PARVB: variants seen among roughly 807,000 people sequenced by gnomAD.
PARVB encodes the protein parvin beta.
PARVB carries 46 observed loss-of-function variants against 47.0 expected under a neutral mutation model. That is an observed-to-expected ratio of 0.98 (90% CI 0.77 to 1.25). The LOEUF (loss-of-function observed/expected upper bound fraction) is 1.25, where lower values mean the gene tolerates loss of function less well. PARVB is among the 50% of genes most tolerant of loss of function. The pLI is 0.00. For synonymous variants in PARVB, 196 were observed against 196.3 expected (o/e 1.00, Z 0.01); for missense variants, 473 against 471.6 (o/e 1.00, Z -0.03).
chr22:44,055,800 C>T (rs201077661), intron 1 of PARVB, among the ~76,000 whole-genome samples: 196 of 152,280 alleles, frequency 1.3e-3, no homozygotes, highest in African/African-American at 4.5e-3. Flanking sequence ...AGCCCAAGTG[C>T]GGGAGGAGAC....
chr22:44,129,283 C>T (rs563734407), intron 4 of PARVB, among the ~76,000 whole-genome samples: 7 of 152,248 alleles, frequency 4.6e-5, no homozygotes, highest in East Asian at 3.9e-4. Flanking sequence ...TCTACCCTGC[C>T]GGTGCCTTGA....
At chr22:44,035,309 TACA>T (rs1179540521) in intron 1 of PARVB, among the ~76,000 whole-genome samples, 1 of 151,538 alleles carries the variant, frequency 6.6e-6, no homozygotes, top group East Asian at 1.9e-4. Flanking sequence ...CACCCTACCA[TACA>T]ACATCTCAAG....
In PARVB at chr22:44,169,005, A is replaced by G. The variant is rs189504571; in HGVS notation, c.*327A>G. 6.4e-5 allele frequency: 15 copies of G among 234,584 alleles called. No homozygotes were observed. The highest frequency in any genetic ancestry group is 2.6e-4 in the Admixed American group (5 of 19,602). The allele number at this position is 234,584 out of a possible 1,614,324, so 14.5% of individuals were successfully genotyped here. The stretch of plus-strand genomic sequence containing the variant: ...TTGTCTGCCTTGGCCGAAAGATGAA[A>G]AAAAGCCTGAACCCCAACCCCCAGC... On this transcript the variant is annotated 3_prime_UTR_variant, in exon 13 of 13. Coordinates refer to ENST00000338758, the MANE Select transcript of PARVB (RefSeq NM_013327.5).
At chr22:44,036,589 C>CTCAT (rs2050926534) in intron 1 of PARVB, among the ~76,000 whole-genome samples, 1 of 152,046 alleles carries the variant, frequency 6.6e-6, no homozygotes, top group Non-Finnish European at 1.5e-5. Context: ...TGTAAGTGGA[C>CTCAT]TCATATAATT....
intron 11 of PARVB, among the ~76,000 whole-genome samples, chr22:44,161,273 C>A (rs1016332719): frequency 6.6e-6 from 1 of 150,552 alleles, no homozygotes; most frequent in African/African-American, 2.4e-5. Flanking sequence ...AGTCCTGGTT[C>A]CATGCCTGTG....
At chr22:43,999,662 C>T (rs369050043) in exon 2 of PARVB, 31 of 1,612,652 alleles carry the variant, frequency 1.9e-5, no homozygotes, top group Non-Finnish European at 2.5e-5. Flanking sequence ...TCTGAATATG[C>T]TCAAGGAGGA....
chr22:44,117,483 G>A (rs933391659), intron 3 of PARVB, among the ~76,000 whole-genome samples: 2 of 152,162 alleles, frequency 1.3e-5, no homozygotes, highest in African/African-American at 4.8e-5. Context: ...CAGCCACCTC[G>A]CAGAGAGAGC....
At chr22:44,154,534 G>GGGGT (rs1555912415) in intron 10 of PARVB, among the ~76,000 whole-genome samples, 12 of 144,898 alleles carry the variant, frequency 8.3e-5, no homozygotes, top group African/African-American at 2.8e-4. Context: ...TAGTCTGGTG[G>GGGGT]GTGTGTGTGT....
chr22:44,100,982 T>A (rs1485194541), intron 3 of PARVB, among the ~76,000 whole-genome samples: 1 of 152,178 alleles, frequency 6.6e-6, no homozygotes, highest in African/African-American at 2.4e-5. Flanking sequence ...CAGACATTTT[T>A]CTATTAAAAG....
chr22:44,062,364 A>G (rs1001268468), intron 1 of PARVB, among the ~76,000 whole-genome samples: 6 of 152,058 alleles, frequency 3.9e-5, no homozygotes, highest in Non-Finnish European at 5.9e-5. Context: ...TGGGCCAGGC[A>G]CGGTGGCTCA....
At chr22:44,135,400 A>G (rs2053422166) in intron 6 of PARVB, among the ~76,000 whole-genome samples, 1 of 152,160 alleles carries the variant, frequency 6.6e-6, no homozygotes, top group South Asian at 2.1e-4. Flanking sequence ...CTGAGATTAC[A>G]GGCACATGCC....
chr22:44,127,061 T>G (rs2053201368), intron 4 of PARVB, among the ~76,000 whole-genome samples: 1 of 152,238 alleles, frequency 6.6e-6, no homozygotes, highest in African/African-American at 2.4e-5. Context: ...CCGGAGTTGC[T>G]GTGATTGTCC....
intron 1 of PARVB, among the ~76,000 whole-genome samples, chr22:44,030,660 C>T (rs2050809543): frequency 1.3e-5 from 2 of 152,144 alleles, no homozygotes; most frequent in South Asian, 2.1e-4. Context: ...CGTGGGTGGG[C>T]GCAGGCGTGG....
intron 1 of PARVB, among the ~76,000 whole-genome samples, chr22:44,061,736 C>A (rs2051423992): frequency 6.6e-6 from 1 of 151,928 alleles, no homozygotes; most frequent in Non-Finnish European, 1.5e-5. Flanking sequence ...CCAGCCTCAG[C>A]CTCCCGAGTA....
intron 2 of PARVB, among the ~76,000 whole-genome samples, chr22:44,095,852 A>G (rs1239642181): frequency 6.6e-6 from 1 of 152,210 alleles, no homozygotes; most frequent in African/African-American, 2.4e-5. Flanking sequence ...TCAGCCGCCA[A>G]CCGACCCGAA....
chr22:44,037,952 C>T lies in PARVB; in HGVS notation c.112+13501C>T, dbSNP rs921308196. ...CCAGCGCCTGTCCAGCCCAGCCCAG[C>T]CCAGCTCCAGCTCCAGCTCCCAGGT... On this transcript the variant is annotated intron_variant, in intron 1 of 12. Transcript: ENST00000338758. 4.1e-5 allele frequency among the ~76,000 whole-genome samples: 6 copies of T among 145,898 alleles called. No homozygotes were observed. In the South Asian group the frequency reaches 1.3e-3, roughly 31 times the overall value.
intron 11 of PARVB, among the ~76,000 whole-genome samples, chr22:44,163,316 A>G (rs2054093406): frequency 6.6e-6 from 1 of 152,086 alleles, no homozygotes; most frequent in African/African-American, 2.4e-5. Context: ...AAAAAATAAT[A>G]ATAATACAAA....
At chr22:44,131,018 G>A (rs964160719) in intron 4 of PARVB, among the ~76,000 whole-genome samples, 3 of 104,162 alleles carry the variant, frequency 2.9e-5, no homozygotes, top group African/African-American at 1.0e-4. Context: ...AGTTCCTCCA[G>A]TATATCTCTC....
At chr22:44,110,118 A>C (rs1444915891) in intron 3 of PARVB, 2 of 71,680 alleles carry the variant, frequency 2.8e-5, no homozygotes, top group African/African-American at 1.3e-4. Flanking sequence ...GTCTCAAAAA[A>C]AAAAAAAAAA....
Sources: allele counts gnomAD v4.1 joint callset (sites outside exome capture counted in the v4.1 genomes callset), GRCh38; gene constraint gnomAD v4.1.1; transcripts MANE v1.5; gene names NCBI Gene and HGNC (gene_info 2026-07-23, HGNC 2026-07-21).